SNURF: variants seen among roughly 807,000 people sequenced by gnomAD.
SNURF encodes SNRPN upstream open reading frame.
A neutral mutation model predicts 11.6 loss-of-function variants in SNURF; 6 were observed. The observed-to-expected ratio is 0.52, with a 90% CI of 0.28 to 1.02. The LOEUF (loss-of-function observed/expected upper bound fraction) is 1.02. Ranked by LOEUF, SNURF falls within the 50% of genes least tolerant of loss-of-function variation. The probability of loss-of-function intolerance (pLI) is 0.09; values close to 1 mark genes in which losing one functional copy is unlikely to be tolerated. For synonymous variants in SNURF, 29 were observed against 31.6 expected (o/e 0.92, Z 0.27); for missense variants, 84 against 88.4 (o/e 0.95, Z 0.20).
chr15:24,957,171 C>G (rs1210196266), intron 1 of SNURF, among the ~76,000 whole-genome samples: 1 of 152,140 alleles, frequency 6.6e-6, no homozygotes, highest in Non-Finnish European at 1.5e-5. Flanking sequence ...CCTTCTTAAT[C>G]TCTGGATAGT....
Position 24,974,444 on chromosome 15 carries a change from A to C in SNURF, c.*46-914A>C, listed in dbSNP as rs368498622. 3.7e-6 allele frequency: 6 copies of C among 1,613,576 alleles called. No individual in the cohort carries two copies. The African/African-American group carries it at 8.0e-5, about 22-fold the overall frequency. On this transcript the variant is annotated intron_variant and NMD_transcript_variant, in intron 3 of 6. Coordinates refer to the SNURF transcript ENST00000580062. ...TAACTGTGGACATTGGATTTGGTGG[A>C]ACAGCAATCATGGTAAGCTGTATGA... is the stretch of plus-strand genomic sequence containing the variant.
At chr15:24,978,342 A>G (rs773418264), downstream of SNURF, 30 of 1,613,846 alleles carry the variant, frequency 1.9e-5, no homozygotes, top group Non-Finnish European at 2.2e-5. Flanking sequence ...TAGGGGTTTG[A>G]TGGTTCAGCC....
intron 1 of SNURF, 96 bp from the exon 2 acceptor site, chr15:24,962,018 A>G (rs753428942): frequency 1.1e-5 from 11 of 1,032,528 alleles, no homozygotes; most frequent in Non-Finnish European, 1.7e-5. Context: ...TTAAAAATCC[A>G]TTATATTAAA....
At chr15:24,961,795 T>C (rs2074872244) in intron 1 of SNURF, among the ~76,000 whole-genome samples, 1 of 152,180 alleles carries the variant, frequency 6.6e-6, no homozygotes, top group Admixed American at 6.5e-5. Flanking sequence ...TGGTGGTATG[T>C]ATGTATCTAC....
chr15:24,956,218 GT>G, intron 1 of SNURF, among the ~76,000 whole-genome samples: 1 of 152,058 alleles, frequency 6.6e-6, no homozygotes, highest in Non-Finnish European at 1.5e-5. Context: ...TTTTTTCATT[GT>G]TTCTCTCTGT....
intron 3 of SNURF, chr15:24,974,287 G>C: frequency 1.5e-6 from 1 of 661,390 alleles, no homozygotes; most frequent in Admixed American, 2.5e-5. Context: ...TTGCAGTGCA[G>C]CTTTAACATG....
intron 3 of SNURF, chr15:24,974,366 G>A (rs201873312): frequency 5.6e-6 from 7 of 1,247,136 alleles, no homozygotes; most frequent in African/African-American, 3.0e-5. Flanking sequence ...AGGAGAACCT[G>A]CGTCATACCT....
At chr15:24,976,776 G>A (rs182835206) in intron 5 of SNURF, 18 of 1,002,460 alleles carry the variant, frequency 1.8e-5, no homozygotes, top group African/African-American at 1.6e-4. Context: ...ATATGAGATA[G>A]GTGTCATGGG....
chr15:24,966,893 A>G (rs996920369), intron 2 of SNURF: 1 of 152,056 alleles, frequency 6.6e-6, no homozygotes, highest in African/African-American at 2.4e-5. Flanking sequence ...CCTTCTCATC[A>G]TCAGATTTCA....
chr15:24,956,364 G>GGGGGGGGGGGGC (rs2062889530), intron 1 of SNURF, among the ~76,000 whole-genome samples: 1 of 151,144 alleles, frequency 6.6e-6, no homozygotes, highest in African/African-American at 2.4e-5. Context: ...CGGGGGGGTG[G>GGGGGGGGGGGGC]CCGCTTCCTC....
chr15:24,976,281 C>T (rs1385652851), intron 4 of SNURF: 3 of 1,586,868 alleles, frequency 1.9e-6, no homozygotes. Flanking sequence ...ATTTATCTCA[C>T]TAAAATTTAA....
chr15:24,976,490 G>C (rs1247534794), intron 5 of SNURF: 1 of 1,018,160 alleles, frequency 9.8e-7, no homozygotes, highest in Non-Finnish European at 1.5e-6. Flanking sequence ...CTGAAATCAG[G>C]GTAGAGCAGA....
chr15:24,961,447 T>A (rs2074791786), intron 1 of SNURF, among the ~76,000 whole-genome samples: 1 of 152,180 alleles, frequency 6.6e-6, no homozygotes, highest in African/African-American at 2.4e-5. Context: ...TCATAGGTGG[T>A]TTCTGCAGTC....
chr15:24,975,060 T>G (rs969577525), intron 3 of SNURF: 8 of 686,094 alleles, frequency 1.2e-5, no homozygotes, highest in Non-Finnish European at 2.1e-5. Context: ...CCTACATCAT[T>G]GTGGTTTGGT....
chr15:24,966,192 A>G (rs1003158484), intron 2 of SNURF, among the ~76,000 whole-genome samples: 14 of 152,190 alleles, frequency 9.2e-5, no homozygotes, highest in Admixed American at 2.6e-4. Context: ...AACAGTCTAT[A>G]GATTCTGAGG....
chr15:24,963,587 CCTGGGTGACAGAGCAAGA>C (rs1370152303), intron 2 of SNURF, among the ~76,000 whole-genome samples: 1 of 150,452 alleles, frequency 6.6e-6, no homozygotes, highest in Non-Finnish European at 1.5e-5. Flanking sequence ...TGCACTCTAG[CCTGGGTGACAGAGCAAGA>C]CTCCATCTCA....
rs1350442997 is a variant in SNURF at position 24,965,011 on chromosome 15, T to G, written c.110+2802T>G. The stretch of plus-strand genomic sequence containing the variant: ...GTAGAGTTAGGGAAATAGTATAATT[T>G]TTCCCCCTTGTGCGTTTTCATTTTG... On this transcript the variant is annotated intron_variant, in intron 2 of 2. Coordinates refer to ENST00000577949, the Ensembl canonical transcript of SNURF. 3.3e-5 allele frequency among the ~76,000 whole-genome samples: 5 copies of G among 152,196 alleles called. No individual in the cohort carries two copies. In the East Asian group the frequency reaches 9.6e-4, roughly 29 times the overall value.
downstream of SNURF, chr15:24,978,109 A>T: frequency 7.0e-7 from 1 of 1,428,964 alleles, no homozygotes; most frequent in Non-Finnish European, 9.7e-7. Context: ...TGTCTGGCCC[A>T]TTTCTTTAGG....
intron 3 of SNURF, chr15:24,974,373 A>G: frequency 7.5e-7 from 1 of 1,337,866 alleles, no homozygotes; most frequent in Non-Finnish European, 1.1e-6. Context: ...CCTGCGTCAT[A>G]CCTTTATCTA....
Sources: allele counts gnomAD v4.1 joint callset (sites outside exome capture counted in the v4.1 genomes callset), GRCh38; gene constraint gnomAD v4.1.1; transcripts MANE v1.5; gene names NCBI Gene and HGNC (gene_info 2026-07-23, HGNC 2026-07-21).